Variants in DISC1 observed in about 807,000 individuals in gnomAD.
The protein encoded by DISC1 is DISC1 scaffold protein, also known as disrupted in schizophrenia 1 protein.
A neutral mutation model predicts 84.5 loss-of-function variants in DISC1; 57 were observed. The ratio of observed to expected loss-of-function variants is 0.67; its 90% CI spans 0.55 to 0.84. The LOEUF (loss-of-function observed/expected upper bound fraction) is 0.84, where lower values mean the gene tolerates loss of function less well. DISC1 is among the 40% of genes least tolerant of loss of function. The pLI is 0.00. For synonymous variants in DISC1, 411 were observed against 415.2 expected (o/e 0.99, Z 0.12); for missense variants, 1,000 against 1,057.8 (o/e 0.95, Z 0.76).
At chr1:231,907,131 C>CCTCCCTCCCTCCT (rs2088781380) in intron 9 of DISC1, among the ~76,000 whole-genome samples, 15 of 93,100 alleles carry the variant, frequency 1.6e-4, no homozygotes, top group African/African-American at 5.8e-4. Flanking sequence ...TCCTTCCTTC[C>CCTCCCTCCCTCCT]TCTTTCTTTC....
chr1:231,750,140 A>C (rs768658955), intron 4 of DISC1, 64 bp downstream of exon 4: 27 of 1,571,830 alleles, frequency 1.7e-5, no homozygotes, highest in Non-Finnish European at 2.2e-5. Context: ...GCTCCCACAT[A>C]GTGAAGAGCT....
chr1:231,945,231 A>C (rs369621842), intron 9 of DISC1: 1 of 152,356 alleles, frequency 6.6e-6, no homozygotes, highest in African/African-American at 2.4e-5. Flanking sequence ...TCCTCAGCAA[A>C]TGCAAAAGAA....
intron 10 of DISC1, among the ~76,000 whole-genome samples, chr1:231,988,359 T>G (rs1408425210): frequency 6.6e-6 from 1 of 152,236 alleles, no homozygotes; most frequent in African/African-American, 2.4e-5. Flanking sequence ...GGCACGTTAA[T>G]TATTTTTTAA....
intron 6 of DISC1, among the ~76,000 whole-genome samples, chr1:231,783,910 T>C (rs1329533647): frequency 1.3e-5 from 2 of 152,150 alleles, no homozygotes; most frequent in African/African-American, 4.8e-5. Context: ...CTCCCTCCAT[T>C]ATCCCTTATG....
intron 6 of DISC1, among the ~76,000 whole-genome samples, chr1:231,793,488 G>T (rs946747330): frequency 6.6e-6 from 1 of 152,096 alleles, no homozygotes; most frequent in Non-Finnish European, 1.5e-5. Flanking sequence ...TAGAATGGAT[G>T]TTCTCACTGC....
At position 231,744,456 on chromosome 1, in the gene DISC1, G is replaced by T. The variant is rs148336882; in HGVS notation, c.1118-5470G>T. Among the ~76,000 whole-genome samples, 293 of 152,290 alleles carry T rather than the reference G, an allele frequency of 1.9e-3. 4 individuals are homozygous for T. Among genetic ancestry groups the T allele is most frequent in the African/African-American group, 6.7e-3 (280 of 41,548 alleles). On this transcript the variant is annotated intron_variant, in intron 3 of 12. Transcript: ENST00000439617. ...GGATTTTGAAGATAAGTTCTCATTA[G>T]AATGGATTCCAATTTCTGCAGTTTA...
rs2080450070 is a variant in DISC1, at chr1:231,812,865, G to T, written c.1793-5464G>T. ...CAAGGTCTTGGTCTAAGCCTCATGG[G>T]ATTAGATCTGAGGTCAAAATGCCTA... On this transcript the variant is annotated intron_variant, in intron 8 of 12. Coordinates refer to ENST00000439617, the MANE Select transcript of DISC1 (RefSeq NM_018662.3). 3.3e-5 allele frequency among the ~76,000 whole-genome samples: 5 copies of T among 152,196 alleles called. No individual in the cohort carries two copies. In the South Asian group the frequency reaches 1.0e-3, roughly 31 times the overall value.
intron 3 of DISC1, among the ~76,000 whole-genome samples, chr1:231,735,008 G>A (rs140284883): frequency 6.6e-6 from 1 of 152,290 alleles, no homozygotes; most frequent in East Asian, 1.9e-4. Flanking sequence ...AAATCAAAGA[G>A]TAGCATAAGT....
At chr1:232,020,486 A>G (rs1285248786) in intron 11 of DISC1, among the ~76,000 whole-genome samples, 4 of 152,206 alleles carry the variant, frequency 2.6e-5, no homozygotes, top group Non-Finnish European at 2.9e-5. Context: ...TAAGATTCTC[A>G]GGGAAGGTTT....
intron 11 of DISC1, among the ~76,000 whole-genome samples, chr1:232,010,188 A>G (rs1667903557): frequency 6.6e-6 from 1 of 152,148 alleles, no homozygotes; most frequent in South Asian, 2.1e-4. Flanking sequence ...TAGACATCTG[A>G]ACTCGTTTGT....
At chr1:231,846,283 C>G (rs1231530474) in intron 9 of DISC1, among the ~76,000 whole-genome samples, 1 of 152,170 alleles carries the variant, frequency 6.6e-6, no homozygotes, top group Non-Finnish European at 1.5e-5. Context: ...ATGGAGGATC[C>G]AGGCAGTAGG....
intron 10 of DISC1, among the ~76,000 whole-genome samples, chr1:231,989,766 G>T (rs552734810): frequency 6.6e-6 from 1 of 152,320 alleles, no homozygotes; most frequent in African/African-American, 2.4e-5. Context: ...TTGCTGTAGG[G>T]CGTGCACAGG....
chr1:231,749,314 TA>T (rs1472192971), intron 3 of DISC1, among the ~76,000 whole-genome samples: 1 of 152,248 alleles, frequency 6.6e-6, no homozygotes, highest in Non-Finnish European at 1.5e-5. Flanking sequence ...ATCTGGAGTT[TA>T]TTTTTATTTT....
At chr1:231,839,404 A>G (rs199579538) in intron 9 of DISC1, among the ~76,000 whole-genome samples, 1 of 152,328 alleles carries the variant, frequency 6.6e-6, no homozygotes, top group Non-Finnish European at 1.5e-5. Flanking sequence ...CTAGCGTATC[A>G]TAAGGACTCA....
chr1:231,824,864 A>G (rs964529194), intron 9 of DISC1, among the ~76,000 whole-genome samples: 1 of 148,548 alleles, frequency 6.7e-6, no homozygotes. Flanking sequence ...CAGATCTTGA[A>G]GTTGCATTTC....
At chr1:231,972,433 G>A (rs1662115913) in intron 10 of DISC1, among the ~76,000 whole-genome samples, 1 of 152,204 alleles carries the variant, frequency 6.6e-6, no homozygotes, top group Admixed American at 6.5e-5. Flanking sequence ...AAGTGTAACT[G>A]TATGATTTCG....
intron 6 of DISC1, among the ~76,000 whole-genome samples, chr1:231,790,029 T>A (rs183811044): frequency 3.3e-5 from 5 of 152,340 alleles, no homozygotes; most frequent in African/African-American, 1.2e-4. Context: ...CCACCATTCA[T>A]AATACTTAGC....
Position 231,954,851 on chromosome 1 carries a change from G to A in DISC1, c.1982-3977G>A, listed in dbSNP as rs895363483. ...AGTCAACTTAGTGAATACATGCAAG[G>A]TACTTTTAGGCTGTCTGGCTGGGAG... On this transcript the variant is annotated intron_variant, in intron 9 of 12. Coordinates refer to ENST00000439617, the MANE Select transcript of DISC1 (RefSeq NM_018662.3). The surrounding 1 kb of genome is among the most constrained non-coding windows in gnomAD (Gnocchi z 4.8). Among the ~76,000 whole-genome samples, 1 of 152,184 alleles carries A rather than the reference G, an allele frequency of 6.6e-6. No individual in the cohort carries two copies. The highest frequency in any genetic ancestry group is 2.4e-5 in the African/African-American group (1 of 41,430).
At chr1:232,002,638 C>G (rs1229134038) in intron 10 of DISC1, among the ~76,000 whole-genome samples, 1 of 124,518 alleles carries the variant, frequency 8.0e-6, no homozygotes, top group Admixed American at 7.5e-5. Context: ...CACACACACA[C>G]AAAAGCCAAT....
Sources: allele counts gnomAD v4.1 joint callset (sites outside exome capture counted in the v4.1 genomes callset), GRCh38; gene constraint gnomAD v4.1.1; non-coding constraint Gnocchi (gnomAD v3.1); transcripts MANE v1.5; gene names NCBI Gene and HGNC (gene_info 2026-07-23, HGNC 2026-07-21).